PTPRT: variants seen among roughly 807,000 people sequenced by gnomAD.
PTPRT encodes the protein receptor-type tyrosine-protein phosphatase T.
Under a neutral mutation model 176.8 loss-of-function variants are expected in PTPRT, and 56 were observed. That is an observed-to-expected ratio of 0.32 (90% CI 0.26 to 0.40). The LOEUF (loss-of-function observed/expected upper bound fraction) is 0.40. Ranked by LOEUF, PTPRT falls within the 10% of genes least tolerant of loss-of-function variation. The probability of loss-of-function intolerance (pLI) is 1.00; values close to 1 mark genes in which losing one functional copy is unlikely to be tolerated. For missense variants in PTPRT, 1,540 were observed against 1,908.2 expected, an observed-to-expected ratio of 0.81 and a Z score of 3.60; for synonymous variants, 783 against 739.0, an observed-to-expected ratio of 1.06 and a Z score of -0.96.
intron 2 of PTPRT, among the ~76,000 whole-genome samples, chr20:42,843,028 G>C (rs943734019): frequency 6.6e-6 from 1 of 152,170 alleles, no homozygotes; most frequent in Admixed American, 6.5e-5. Flanking sequence ...AACCCATCTA[G>C]TCAGGCCTAG....
At chr20:42,578,474 A>G (rs1480299489) in intron 7 of PTPRT, among the ~76,000 whole-genome samples, 1 of 152,152 alleles carries the variant, frequency 6.6e-6, no homozygotes, top group African/African-American at 2.4e-5. Context: ...GATAGCCAGC[A>G]AATGTTTCAA....
intron 14 of PTPRT, among the ~76,000 whole-genome samples, chr20:42,245,876 A>G (rs1430003486): frequency 1.3e-5 from 2 of 152,204 alleles, no homozygotes; most frequent in African/African-American, 2.4e-5. Context: ...AACCATGTCC[A>G]TGACCAGGGA....
At chr20:42,796,014 G>A (rs1253309938) in intron 2 of PTPRT, among the ~76,000 whole-genome samples, 1 of 152,174 alleles carries the variant, frequency 6.6e-6, no homozygotes, top group Non-Finnish European at 1.5e-5. Flanking sequence ...GCATTGTTTA[G>A]CACCCTAATG....
At chr20:42,994,231 T>C (rs572810573) in intron 1 of PTPRT, among the ~76,000 whole-genome samples, 5 of 152,250 alleles carry the variant, frequency 3.3e-5, no homozygotes, top group East Asian at 1.9e-4. Flanking sequence ...GCATGACTTG[T>C]AGGCCACTTC....
intron 7 of PTPRT, among the ~76,000 whole-genome samples, chr20:42,488,941 A>G (rs978911205): frequency 7.5e-6 from 1 of 133,104 alleles, no homozygotes; most frequent in Non-Finnish European, 1.6e-5. Context: ...CAGGAGCAAA[A>G]CTCTGTCTCA....
intron 7 of PTPRT, among the ~76,000 whole-genome samples, chr20:42,601,883 G>C (rs2073788920): frequency 1.3e-5 from 2 of 152,148 alleles, no homozygotes; most frequent in Non-Finnish European, 2.9e-5. Context: ...TTTCTGGCTA[G>C]CAGACTGACT....
At chr20:42,868,225 C>T (rs968813946) in intron 2 of PTPRT, among the ~76,000 whole-genome samples, 1 of 152,114 alleles carries the variant, frequency 6.6e-6, no homozygotes, top group Non-Finnish European at 1.5e-5. Context: ...GAGAAAGGCT[C>T]AATCTTCTTA....
intron 1 of PTPRT, among the ~76,000 whole-genome samples, chr20:43,011,142 C>T (rs1317560380): frequency 6.6e-6 from 1 of 152,142 alleles, no homozygotes; most frequent in Non-Finnish European, 1.5e-5. Flanking sequence ...TTCACTCATT[C>T]ATTCATTCAA....
the PTPRT span, among the ~76,000 whole-genome samples, chr20:42,057,825 C>G: frequency 8.5e-5 from 13 of 152,284 alleles, no homozygotes; most frequent in Admixed American, 7.2e-4. Context: ...GTGATCCTCC[C>G]ACCTTGGCCT....
chr20:42,100,242 C>T (rs958508667), intron 26 of PTPRT, among the ~76,000 whole-genome samples: 6 of 152,200 alleles, frequency 3.9e-5, no homozygotes, highest in African/African-American at 1.2e-4. Flanking sequence ...AAAGCCTTAT[C>T]TGAAAATATG....
At chr20:42,191,897 A>G (rs980034147) in intron 16 of PTPRT, among the ~76,000 whole-genome samples, 2 of 152,158 alleles carry the variant, frequency 1.3e-5, no homozygotes, top group African/African-American at 4.8e-5. Context: ...TCATTCATTC[A>G]TATATTCAAA....
chr20:42,501,403 G>A (rs1429689119), intron 7 of PTPRT, among the ~76,000 whole-genome samples: 3 of 152,088 alleles, frequency 2.0e-5, no homozygotes, highest in Non-Finnish European at 4.4e-5. Context: ...GTGCTATCAT[G>A]AACGCTACAC....
intron 11 of PTPRT, among the ~76,000 whole-genome samples, chr20:42,336,750 T>C (rs1002719531): frequency 1.3e-5 from 2 of 152,146 alleles, no homozygotes; most frequent in Non-Finnish European, 2.9e-5. Context: ...CATATGGAAA[T>C]AGCTAAGAAT....
intron 7 of PTPRT, among the ~76,000 whole-genome samples, chr20:42,641,433 G>T (rs978398997): frequency 4.6e-5 from 7 of 152,102 alleles, no homozygotes; most frequent in African/African-American, 1.7e-4. Context: ...TTTGATGGGG[G>T]CTTTATACAT....
chr20:43,042,335 A>G (rs950739280), intron 1 of PTPRT, among the ~76,000 whole-genome samples: 5 of 151,166 alleles, frequency 3.3e-5, no homozygotes, highest in Non-Finnish European at 7.4e-5. Context: ...TCGTCCAGTG[A>G]TCCAGGCGAT....
chr20:42,581,861 C>A (rs1361752455), intron 7 of PTPRT, among the ~76,000 whole-genome samples: 1 of 152,170 alleles, frequency 6.6e-6, no homozygotes, highest in East Asian at 1.9e-4. Context: ...TCTTTCTTAT[C>A]TGGGCTCCTG....
At chr20:42,851,181 C>T (rs559585778) in intron 2 of PTPRT, among the ~76,000 whole-genome samples, 7 of 152,150 alleles carry the variant, frequency 4.6e-5, no homozygotes, top group Non-Finnish European at 1.0e-4. Flanking sequence ...CTGTTCCCTG[C>T]ACAGCTCAAG....
chr20:42,406,706 A>T (rs183038298), intron 9 of PTPRT, among the ~76,000 whole-genome samples: 170 of 152,322 alleles, frequency 1.1e-3, no homozygotes, highest in Admixed American at 3.3e-3. Flanking sequence ...AAAACTAGAG[A>T]TAAATTTTAC....
At chr20:42,752,211 T>C (rs751936299) in intron 6 of PTPRT, among the ~76,000 whole-genome samples, 3 of 152,236 alleles carry the variant, frequency 2.0e-5, no homozygotes, top group East Asian at 3.9e-4. Flanking sequence ...CTCTTACTTC[T>C]TTGTCTGATA....
Sources: allele counts gnomAD v4.1 joint callset (sites outside exome capture counted in the v4.1 genomes callset), GRCh38; gene constraint gnomAD v4.1.1; transcripts MANE v1.5; gene names NCBI Gene and HGNC (gene_info 2026-07-23, HGNC 2026-07-21).